FSTL4: variants seen among roughly 807,000 people sequenced by gnomAD.
FSTL4 encodes follistatin like 4.
In FSTL4, 28 loss-of-function variants were observed where a neutral mutation model predicts 78.2. The observed-to-expected ratio is 0.36, with a 90% CI of 0.27 to 0.49. The LOEUF (loss-of-function observed/expected upper bound fraction) is 0.49. FSTL4 is among the 20% of genes least tolerant of loss of function. The pLI, the probability that FSTL4 is intolerant of heterozygous loss-of-function variation, is 0.98. For missense variants in FSTL4, 922 were observed against 1,084.9 expected, an observed-to-expected ratio of 0.85 and a Z score of 2.11; for synonymous variants, 422 against 440.5, an observed-to-expected ratio of 0.96 and a Z score of 0.53.
At chr5:133,321,197 G>A (rs1199606987) in intron 4 of FSTL4, among the ~76,000 whole-genome samples, 1 of 152,130 alleles carries the variant, frequency 6.6e-6, no homozygotes, top group Non-Finnish European at 1.5e-5. Flanking sequence ...CACTGGGCAT[G>A]CTCCTGCCCA....
chr5:133,274,122 G>A (rs1752826910), intron 6 of FSTL4, among the ~76,000 whole-genome samples: 1 of 152,190 alleles, frequency 6.6e-6, no homozygotes, highest in Non-Finnish European at 1.5e-5. Context: ...GGCTGATGGA[G>A]TTGCTTGCAG....
At chr5:133,558,925 GGA>G (rs1488325902) in intron 3 of FSTL4, among the ~76,000 whole-genome samples, 1 of 152,204 alleles carries the variant, frequency 6.6e-6, no homozygotes, top group Non-Finnish European at 1.5e-5. Context: ...CTGATTTAGA[GGA>G]GAGGTCTCCC....
chr5:133,572,329 A>G (rs1760176473), intron 2 of FSTL4, among the ~76,000 whole-genome samples: 1 of 152,190 alleles, frequency 6.6e-6, no homozygotes, highest in Non-Finnish European at 1.5e-5. Context: ...CTATACAGGT[A>G]AACTGCATGT....
rs1751119476 is a variant in FSTL4, at chr5:133,221,891, G to GGT, written c.1340-1026_1340-1025insAC. Among the ~76,000 whole-genome samples the GGT allele has an allele frequency of 1.6e-4, 7 of 43,360 alleles. No homozygotes were observed. In the East Asian group the frequency reaches 7.7e-3, roughly 48 times the overall value. The allele number at this position is 43,360 out of a possible 152,430, so 28.4% of individuals were successfully genotyped here. A position where few individuals can be genotyped will look rare whatever the true frequency, so the allele number is the denominator to read the frequency against. The stretch of plus-strand genomic sequence containing the variant: ...AATATGTAGAAAAATCTCTTTTCTA[G>GGT]TTTTTTTTTTTTTTTTTTTTTTTTT... On this transcript the variant is annotated intron_variant, in intron 11 of 15. Transcript: ENST00000265342.
chr5:133,464,560 CA>C, intron 3 of FSTL4, among the ~76,000 whole-genome samples: 1 of 152,290 alleles, frequency 6.6e-6, no homozygotes, highest in East Asian at 1.9e-4. Flanking sequence ...ACTCCTGTGG[CA>C]CAAGCAACTC....
chr5:133,813,141 G>C, the FSTL4 span, among the ~76,000 whole-genome samples: 1 of 150,540 alleles, frequency 6.6e-6, no homozygotes, highest in Admixed American at 6.6e-5. Context: ...CAATGGAGGA[G>C]AGTCCACTCT....
the FSTL4 span, among the ~76,000 whole-genome samples, chr5:133,668,948 C>G: frequency 1.3e-5 from 2 of 152,132 alleles, no homozygotes; most frequent in Non-Finnish European, 2.9e-5. Context: ...GAAGTGACAT[C>G]TAGAAAGAAA....
chr5:133,646,091 T>A, the FSTL4 span, among the ~76,000 whole-genome samples: 3 of 152,180 alleles, frequency 2.0e-5, no homozygotes, highest in African/African-American at 7.2e-5. Context: ...AGCAAACAGA[T>A]AATGATCAGG....
chr5:133,711,709 T>C, the FSTL4 span, among the ~76,000 whole-genome samples: 31 of 152,176 alleles, frequency 2.0e-4, no homozygotes, highest in Non-Finnish European at 4.0e-4. Context: ...CATGGACTCT[T>C]TGGGAAAACA....
At chr5:133,709,323 G>T in the FSTL4 span, among the ~76,000 whole-genome samples, 38 of 152,360 alleles carry the variant, frequency 2.5e-4, no homozygotes, top group Middle Eastern at 3.4e-3. Context: ...CCAGCTGGCA[G>T]TGTTGTCAGA....
intron 3 of FSTL4, among the ~76,000 whole-genome samples, chr5:133,456,306 GACA>G (rs1028961959): frequency 5.9e-5 from 9 of 152,242 alleles, no homozygotes; most frequent in South Asian, 4.1e-4. Flanking sequence ...GCCGTCCTGA[GACA>G]ACAAGTGGGC....
chr5:133,524,834 T>C (rs568832093), intron 3 of FSTL4, among the ~76,000 whole-genome samples: 12 of 152,314 alleles, frequency 7.9e-5, no homozygotes, highest in African/African-American at 2.6e-4. Flanking sequence ...GGCCACCCAC[T>C]GGGCACCCAC....
chr5:133,643,533 G>A, the FSTL4 span, among the ~76,000 whole-genome samples: 505 of 152,116 alleles, frequency 3.3e-3, 6 homozygotes, highest in African/African-American at 0.011. Flanking sequence ...ACCACTCTAG[G>A]CCTTATGTCT....
At chr5:133,599,865 A>T (rs1196151346) in intron 2 of FSTL4, among the ~76,000 whole-genome samples, 1 of 152,008 alleles carries the variant, frequency 6.6e-6, no homozygotes, top group East Asian at 1.9e-4. Flanking sequence ...CGGCCACTGC[A>T]GCACCCAGGC....
chr5:133,654,338 A>C, the FSTL4 span, among the ~76,000 whole-genome samples: 2 of 152,186 alleles, frequency 1.3e-5, no homozygotes, highest in Admixed American at 6.5e-5. Flanking sequence ...TCTTTTTACT[A>C]TCTGAGGCTC....
the FSTL4 span, among the ~76,000 whole-genome samples, chr5:133,833,184 G>A: frequency 6.6e-6 from 1 of 152,152 alleles, no homozygotes. Flanking sequence ...TCAGTTCCCA[G>A]CAGACATGGA....
the FSTL4 span, among the ~76,000 whole-genome samples, chr5:133,675,469 G>A: frequency 3.3e-5 from 5 of 152,328 alleles, no homozygotes; most frequent in South Asian, 2.1e-4. Flanking sequence ...TCTTGTTCCC[G>A]TGGCCGTCAG....
the FSTL4 span, among the ~76,000 whole-genome samples, chr5:133,663,453 A>G: frequency 9.8e-5 from 15 of 152,354 alleles, no homozygotes; most frequent in Non-Finnish European, 2.2e-4. Context: ...TTTCTTCACC[A>G]ATAACTTTTC....
chr5:133,542,121 A>C (rs777377706), intron 3 of FSTL4, among the ~76,000 whole-genome samples: 4 of 152,200 alleles, frequency 2.6e-5, no homozygotes, highest in African/African-American at 9.7e-5. Flanking sequence ...TTTAAAAAAA[A>C]TGGTGTTTGA....
Sources: allele counts gnomAD v4.1 joint callset (sites outside exome capture counted in the v4.1 genomes callset), GRCh38; gene constraint gnomAD v4.1.1; transcripts MANE v1.5; gene names NCBI Gene and HGNC (gene_info 2026-07-23, HGNC 2026-07-21).